Variants in RTL4 observed in about 807,000 individuals in gnomAD.
RTL4 encodes the protein retrotransposon Gag-like protein 4.
A neutral mutation model predicts 5.3 loss-of-function variants in RTL4; 4 were observed. The observed-to-expected ratio is 0.75, with a 90% CI of 0.37 to 1.72. RTL4 has a LOEUF of 1.72. RTL4 is among the 40% of genes most tolerant of loss of function. The pLI is 0.04. For synonymous variants in RTL4, 98 were observed against 87.3 expected, an observed-to-expected ratio of 1.12 and a Z score of -0.68; for missense variants, 260 against 227.1, an observed-to-expected ratio of 1.14 and a Z score of -0.93.
chrX:112,375,218 G>A, the RTL4 span, among the ~76,000 whole-genome samples: 25 of 111,115 alleles, frequency 2.2e-4, no homozygotes, highest in African/African-American at 7.8e-4. Context: ...AAGGGAGCTG[G>A]CTAGGAGGAA....
the RTL4 span, among the ~76,000 whole-genome samples, chrX:112,369,972 T>C: frequency 9.0e-6 from 1 of 111,720 alleles, no homozygotes; most frequent in Admixed American, 9.5e-5. Flanking sequence ...AAGTATGGAG[T>C]TGCCAACAGT....
chrX:112,313,265 G>T, the RTL4 span, among the ~76,000 whole-genome samples: 2 of 110,903 alleles, frequency 1.8e-5, no homozygotes, highest in Non-Finnish European at 3.8e-5. Flanking sequence ...AAAAAAAATT[G>T]TTATCTTATG....
the RTL4 span, among the ~76,000 whole-genome samples, chrX:112,354,172 G>A: frequency 1.8e-5 from 2 of 111,284 alleles, no homozygotes; most frequent in African/African-American, 6.5e-5. Context: ...GCCCCTTGAG[G>A]GGATGCAGTT....
At chrX:112,195,017 G>A in the RTL4 span, among the ~76,000 whole-genome samples, 22,594 of 111,367 alleles carry the variant, frequency 0.2, 1,716 homozygotes, top group Admixed American at 0.24. Flanking sequence ...GATAATGCAA[G>A]ATTTCTGTTT....
At chrX:112,341,797 G>C in the RTL4 span, among the ~76,000 whole-genome samples, 3 of 111,317 alleles carry the variant, frequency 2.7e-5, no homozygotes, top group Non-Finnish European at 3.8e-5. Context: ...AACTGGAAGG[G>C]GAGAGCAATA....
At chrX:112,455,993 C>T in exon 1 of RTL4, 1 of 291,192 alleles carries the variant, frequency 3.4e-6, no homozygotes, top group Non-Finnish European at 6.2e-6. Flanking sequence ...CTTATCCTGA[C>T]CAATGGGTGA....
At chrX:112,369,798 A>G in the RTL4 span, among the ~76,000 whole-genome samples, 1 of 111,742 alleles carries the variant, frequency 8.9e-6, no homozygotes, top group Non-Finnish European at 1.9e-5. Context: ...GGCAACTACA[A>G]TAGTGGCCAA....
chrX:112,350,674 C>G, the RTL4 span, among the ~76,000 whole-genome samples: 3 of 111,585 alleles, frequency 2.7e-5, no homozygotes, highest in South Asian at 7.6e-4. Context: ...GTAGTATTCT[C>G]TGACGGTAGT....
At chrX:112,117,595 A>G in the RTL4 span, among the ~76,000 whole-genome samples, 2 of 111,393 alleles carry the variant, frequency 1.8e-5, no homozygotes, top group Non-Finnish European at 3.8e-5. Flanking sequence ...TAGAAATCAT[A>G]TGAGAAAAAT....
chrX:112,104,678 T>C, the RTL4 span, among the ~76,000 whole-genome samples: 1 of 112,232 alleles, frequency 8.9e-6, no homozygotes, highest in Non-Finnish European at 1.9e-5. Context: ...ATGTACTTGT[T>C]GGCCATTTAT....
the RTL4 span, among the ~76,000 whole-genome samples, chrX:112,330,394 C>T: frequency 1.9e-5 from 2 of 104,213 alleles, no homozygotes; most frequent in African/African-American, 3.7e-5. Context: ...CATGAGTGAA[C>T]TCCCATTCAC....
the RTL4 span, among the ~76,000 whole-genome samples, chrX:112,375,494 G>A: frequency 9.0e-6 from 1 of 111,455 alleles, no homozygotes; most frequent in Non-Finnish European, 1.9e-5. Flanking sequence ...GGGGAGCCAG[G>A]TGCTCATTCA....
chrX:112,102,514 T>C, the RTL4 span, among the ~76,000 whole-genome samples: 2 of 111,679 alleles, frequency 1.8e-5, no homozygotes, highest in Non-Finnish European at 3.8e-5. Flanking sequence ...TAAAATTCCA[T>C]AGGTGAGTTA....
the RTL4 span, among the ~76,000 whole-genome samples, chrX:112,170,088 T>A: frequency 8.0e-5 from 9 of 112,312 alleles, no homozygotes; most frequent in Admixed American, 7.6e-4. Context: ...GTATTATTTC[T>A]GAATTCTTTA....
At chrX:112,395,744 T>A in the RTL4 span, among the ~76,000 whole-genome samples, 1 of 110,994 alleles carries the variant, frequency 9.0e-6, no homozygotes, top group African/African-American at 3.3e-5. Flanking sequence ...AGAAGCAACT[T>A]TAGAGGGCAG....
chrX:112,434,293 G>A, the RTL4 span, among the ~76,000 whole-genome samples: 1 of 109,417 alleles, frequency 9.1e-6, no homozygotes, highest in African/African-American at 3.3e-5. Context: ...GATTGGAATA[G>A]TTTCAGAAGG....
At chrX:112,310,861 A>G in the RTL4 span, among the ~76,000 whole-genome samples, 22 of 91,663 alleles carry the variant, frequency 2.4e-4, no homozygotes, top group African/African-American at 8.3e-4. Flanking sequence ...CATTATATAT[A>G]TTTACATATA....
At chrX:112,408,068 A>G in the RTL4 span, among the ~76,000 whole-genome samples, 7 of 111,669 alleles carry the variant, frequency 6.3e-5, no homozygotes, top group Non-Finnish European at 1.3e-4. Flanking sequence ...TAAAATCAAT[A>G]TGTAACTCTT....
chrX:112,190,176 C>CTTTCTTTCTT, the RTL4 span, among the ~76,000 whole-genome samples: 457 of 98,769 alleles, frequency 4.6e-3, 1 homozygote, highest in Non-Finnish European at 7.0e-3. Flanking sequence ...TTCTTTCTTT[C>CTTTCTTTCTT]TTTCTTTCTT....
Sources: gnomAD v4.1 joint callset for allele counts (sites outside exome capture counted in the v4.1 genomes callset) on GRCh38, gnomAD v4.1.1 for gene constraint, MANE v1.5 for transcripts, NCBI Gene and HGNC (gene_info 2026-07-23, HGNC 2026-07-21) for gene names.